WDR7: variants seen among roughly 807,000 people sequenced by gnomAD.
WDR7 encodes the protein WD repeat-containing protein 7.
Under a neutral mutation model 169.4 loss-of-function variants are expected in WDR7, and 46 were observed. The ratio of observed to expected loss-of-function variants is 0.27; its 90% CI spans 0.21 to 0.35. WDR7 has a LOEUF of 0.35. Ranked by LOEUF, WDR7 falls within the 10% of genes least tolerant of loss-of-function variation. WDR7 has a pLI of 1.00. For missense variants in WDR7, 1,534 were observed against 1,859.3 expected, an observed-to-expected ratio of 0.83 and a Z score of 3.22; for synonymous variants, 612 against 666.8, an observed-to-expected ratio of 0.92 and a Z score of 1.27.
rs7232510 is a variant in WDR7 at position 56,930,796 on chromosome 18, G to T, written c.3714-4992G>T. 9.9e-3 allele frequency among the ~76,000 whole-genome samples: 1,504 copies of T among 152,176 alleles called. 27 individuals carry two copies. Among genetic ancestry groups the T allele is most frequent in the African/African-American group, 0.035 (1,445 of 41,506 alleles). On this transcript the variant is annotated intron_variant, in intron 22 of 27. Coordinates refer to ENST00000254442, the MANE Select transcript of WDR7 (RefSeq NM_015285.3). ...TGTTCCTATTGACCAAAATTTTCAG[G>T]CTATTCAATGAAAGTTTATATGTCT...
chr18:56,835,474 T>A (rs889361278), intron 20 of WDR7, among the ~76,000 whole-genome samples: 2 of 152,232 alleles, frequency 1.3e-5, no homozygotes, highest in Admixed American at 1.3e-4. Flanking sequence ...TTTGGAAATA[T>A]GCAATTTTTA....
intron 20 of WDR7, among the ~76,000 whole-genome samples, chr18:56,866,501 CAT>C (rs1714772133): frequency 6.6e-6 from 1 of 151,970 alleles, no homozygotes; most frequent in Non-Finnish European, 1.5e-5. Flanking sequence ...TTATCTTTAA[CAT>C]ATTTCGAAAG....
chr18:56,921,888 C>G (rs757474409), intron 21 of WDR7, among the ~76,000 whole-genome samples: 27 of 152,186 alleles, frequency 1.8e-4, no homozygotes, highest in Non-Finnish European at 3.4e-4. Context: ...AGTCAGGCCT[C>G]TAGTGTTGCC....
chr18:56,691,429 G>T, intron 8 of WDR7, 68 bp downstream of exon 8: 2 of 1,463,874 alleles, frequency 1.4e-6, no homozygotes, highest in South Asian at 2.9e-5. Context: ...GGTACAACCT[G>T]ACTTTAAGAA....
chr18:56,711,389 TC>T (rs1439653238), intron 12 of WDR7, among the ~76,000 whole-genome samples: 1 of 152,118 alleles, frequency 6.6e-6, no homozygotes, highest in Admixed American at 6.5e-5. Flanking sequence ...TCTGCTCCTC[TC>T]TAAGCTATCA....
chr18:56,925,976 T>A lies in WDR7; in HGVS notation c.3713+1868T>A, dbSNP rs1368636290. On this transcript the variant is annotated intron_variant, in intron 22 of 27. Coordinates refer to ENST00000254442, the MANE Select transcript of WDR7 (RefSeq NM_015285.3). ...AATGAGCTTATATTTGCAAATTGCT[T>A]AGAATAGTGAGCATATATTAAGAGA... Among the ~76,000 whole-genome samples, 5 of 152,322 alleles carry A rather than the reference T, an allele frequency of 3.3e-5. No individual in the cohort carries two copies. In the East Asian group the frequency reaches 9.6e-4, roughly 29 times the overall value.
chr18:56,779,779 G>T (rs899414127), intron 18 of WDR7, among the ~76,000 whole-genome samples: 1 of 152,130 alleles, frequency 6.6e-6, no homozygotes, highest in Non-Finnish European at 1.5e-5. Flanking sequence ...ACTGTTTGAT[G>T]AAGTCTTATA....
In WDR7 at chr18:56,731,380, C is replaced by G; in HGVS notation, c.1775-3C>G. The G allele has an allele frequency of 1.9e-6, 3 of 1,609,862 alleles. No homozygotes were observed. Among genetic ancestry groups the G allele is most frequent in the Non-Finnish European group, 2.5e-6 (3 of 1,176,590 alleles). On this transcript the variant is annotated splice_region_variant and splice_polypyrimidine_tract_variant and intron_variant, in intron 13 of 27. Coordinates refer to ENST00000254442, the MANE Select transcript of WDR7 (RefSeq NM_015285.3). ...AATATTTGTGAATATATTTTTCTCG[C>G]AGGTGCATTGGATCGTTGTGTGATG...
chr18:56,936,004 A>G, intron 23 of WDR7, 99 bp downstream of exon 23: 1 of 1,105,608 alleles, frequency 9.0e-7, no homozygotes, highest in Non-Finnish European at 1.3e-6. Context: ...TTTACAGTTT[A>G]TTCTAGAACA....
intron 2 of WDR7, among the ~76,000 whole-genome samples, chr18:56,677,966 T>G (rs1218549405): frequency 1.3e-5 from 2 of 152,174 alleles, no homozygotes; most frequent in Non-Finnish European, 2.9e-5. Flanking sequence ...TTTTCTTTTG[T>G]TTCCTTTGAC....
At chr18:56,660,695 A>G (rs2038186437) in intron 1 of WDR7, among the ~76,000 whole-genome samples, 1 of 151,946 alleles carries the variant, frequency 6.6e-6, no homozygotes, top group African/African-American at 2.4e-5. Flanking sequence ...AAGAAAGGAG[A>G]CTAAAGCTAG....
Position 56,792,816 on chromosome 18 carries a change from A to G in WDR7, c.3190+11160A>G, listed in dbSNP as rs544672076. Among the ~76,000 whole-genome samples the G allele has an allele frequency of 1.7e-3, 255 of 151,842 alleles. 2 individuals carry two copies. Among genetic ancestry groups the G allele is most frequent in the Middle Eastern group, 3.4e-3 (1 of 294 alleles). On this transcript the variant is annotated intron_variant, in intron 19 of 27. Coordinates refer to ENST00000254442, the MANE Select transcript of WDR7 (RefSeq NM_015285.3). ...CAGACACACATGCACACATACCTAC[A>G]CTATGACACAGGGCAGAATTAGTAA...
chr18:57,024,424 A>C (rs2048329447), intron 27 of WDR7, among the ~76,000 whole-genome samples: 1 of 152,178 alleles, frequency 6.6e-6, no homozygotes. Context: ...CCGAATTTGA[A>C]GAGGTCATAG....
At chr18:57,002,111 A>G (rs2047990226) in intron 26 of WDR7, among the ~76,000 whole-genome samples, 1 of 152,142 alleles carries the variant, frequency 6.6e-6, no homozygotes. Context: ...AATAATATCT[A>G]TATTTTTAAA....
chr18:56,802,336 T>C (rs2044689039), intron 19 of WDR7, among the ~76,000 whole-genome samples: 1 of 151,792 alleles, frequency 6.6e-6, no homozygotes, highest in Non-Finnish European at 1.5e-5. Context: ...AACCTTGGGT[T>C]GCCTAACAAT....
intron 20 of WDR7, among the ~76,000 whole-genome samples, chr18:56,840,796 A>T (rs1182532967): frequency 6.6e-6 from 1 of 151,392 alleles, no homozygotes. Flanking sequence ...TCCAGCCTGG[A>T]TGATAGAGTG....
intron 19 of WDR7, among the ~76,000 whole-genome samples, chr18:56,796,521 T>C (rs2145139628): frequency 6.6e-6 from 1 of 152,348 alleles, no homozygotes; most frequent in South Asian, 2.1e-4. Context: ...CATTGATAAC[T>C]GTGGTGAGAT....
chr18:56,867,010 CTTAT>C (rs200285872), intron 20 of WDR7, among the ~76,000 whole-genome samples: 12,309 of 148,510 alleles, frequency 0.083, 1,266 homozygotes, highest in African/African-American at 0.25. Context: ...TATTTACTTA[CTTAT>C]TTATTTATTT....
chr18:56,661,649 C>T (rs891865453), intron 1 of WDR7, among the ~76,000 whole-genome samples: 2 of 152,110 alleles, frequency 1.3e-5, no homozygotes, highest in East Asian at 1.9e-4. Context: ...TATTTCTTAA[C>T]CACCCAAATA....
Sources: gnomAD v4.1 joint callset for allele counts (sites outside exome capture counted in the v4.1 genomes callset) on GRCh38, gnomAD v4.1.1 for gene constraint, MANE v1.5 for transcripts, NCBI Gene and HGNC (gene_info 2026-07-23, HGNC 2026-07-21) for gene names.